The following VRTN variants were observed in gnomAD, a reference collection of about 807,000 sequenced individuals.
VRTN encodes vertnin.
In VRTN, 5 loss-of-function variants were observed where a neutral mutation model predicts 18.2. The ratio of observed to expected loss-of-function variants is 0.27; its 90% CI spans 0.14 to 0.58. VRTN has a LOEUF of 0.58. Among genes scored for constraint, VRTN ranks in the 20% least tolerant of loss-of-function variants. The probability of loss-of-function intolerance (pLI) is 0.91; values close to 1 mark genes in which losing one functional copy is unlikely to be tolerated. For missense variants in VRTN, 741 were observed against 939.4 expected, an observed-to-expected ratio of 0.79 and a Z score of 2.76; for synonymous variants, 381 against 393.7, an observed-to-expected ratio of 0.97 and a Z score of 0.38.
At chr14:74,334,759 A>C (rs917544018) in intron 1 of VRTN, among the ~76,000 whole-genome samples, 1 of 152,186 alleles carries the variant, frequency 6.6e-6, no homozygotes, top group Non-Finnish European at 1.5e-5. Context: ...ATGAAAGAAA[A>C]TATGTATCTA....
chr14:74,316,065 C>T (rs1350735057), intron 1 of VRTN, among the ~76,000 whole-genome samples: 3 of 152,154 alleles, frequency 2.0e-5, no homozygotes, highest in Non-Finnish European at 1.5e-5. Flanking sequence ...TGTCTGCTTA[C>T]GGCACTCCCA....
chr14:74,320,588 TTTTTTTTTTTTTTTTTG>T (rs2085449623), intron 1 of VRTN, among the ~76,000 whole-genome samples: 1 of 79,936 alleles, frequency 1.3e-5, no homozygotes, highest in African/African-American at 5.4e-5. Flanking sequence ...TTTTTTTTTT[TTTTTTTTTTTTTTTTTG>T]AGACGGAGTC....
intron 1 of VRTN, among the ~76,000 whole-genome samples, chr14:74,329,760 A>G (rs922149462): frequency 1.1e-3 from 172 of 150,698 alleles, no homozygotes; most frequent in African/African-American, 4.1e-3. Flanking sequence ...TGTATTTTTA[A>G]TAGAGACAGT....
chr14:74,316,828 G>A (rs996821904), intron 1 of VRTN, among the ~76,000 whole-genome samples: 4 of 151,572 alleles, frequency 2.6e-5, no homozygotes, highest in Non-Finnish European at 5.9e-5. Flanking sequence ...TAGTAGAGAC[G>A]GGGTTTCACT....
chr14:74,308,152 C>T (rs138780131), intron 1 of VRTN, among the ~76,000 whole-genome samples: 17 of 152,236 alleles, frequency 1.1e-4, no homozygotes, highest in African/African-American at 3.6e-4. Context: ...CAGTGGCTCA[C>T]ACCTGTGGTC....
At chr14:74,341,099 G>A (rs2085602723) in intron 2 of VRTN, among the ~76,000 whole-genome samples, 2 of 152,202 alleles carry the variant, frequency 1.3e-5, no homozygotes, top group African/African-American at 2.4e-5. Flanking sequence ...TGGGACAGAT[G>A]GATGAATTCT....
chr14:74,331,544 T>TATATATATATATATATA (rs1555411068), intron 1 of VRTN, among the ~76,000 whole-genome samples: 1 of 43,448 alleles, frequency 2.3e-5, no homozygotes, highest in Non-Finnish European at 4.9e-5. Context: ...AAAAAAAATT[T>TATATATATATATATATA]TATATATATA....
chr14:74,321,418 C>T lies in VRTN; in HGVS notation c.-163-16305C>T, dbSNP rs530146932. 4.0e-5 allele frequency among the ~76,000 whole-genome samples: 6 copies of T among 151,722 alleles called. No homozygotes were observed. In the South Asian group the frequency reaches 1.0e-3, roughly 26 times the overall value. On this transcript the variant is annotated intron_variant, in intron 1 of 2. Coordinates refer to the VRTN transcript ENST00000557177. Reference sequence around the variant, plus strand: ...GAAAGGATGGGGTGGGGTACATGGACGTGGTCATAGGGCTAGTAAGTGGGG... The same window carrying T: ...GAAAGGATGGGGTGGGGTACATGGATGTGGTCATAGGGCTAGTAAGTGGGG...
At chr14:74,355,575 C>T (rs2085720403) in intron 1 of VRTN, among the ~76,000 whole-genome samples, 2 of 152,094 alleles carry the variant, frequency 1.3e-5, no homozygotes, top group Non-Finnish European at 2.9e-5. Context: ...CGGTCTGTCA[C>T]CCATGCTTGA....
intron 2 of VRTN, among the ~76,000 whole-genome samples, chr14:74,340,239 A>G (rs575811568): frequency 6.6e-6 from 1 of 151,120 alleles, no homozygotes; most frequent in East Asian, 2.0e-4. Flanking sequence ...CAGCCTCCCT[A>G]GTAGCTGGGA....
chr14:74,351,075 G>A (rs1326333892), intron 1 of VRTN, among the ~76,000 whole-genome samples: 4 of 152,166 alleles, frequency 2.6e-5, no homozygotes, highest in Admixed American at 6.5e-5. Flanking sequence ...GTATCTAGCA[G>A]AGCACTCATT....
At chr14:74,346,091 A>G (rs2085642588), upstream of VRTN, among the ~76,000 whole-genome samples, 1 of 151,998 alleles carries the variant, frequency 6.6e-6, no homozygotes, top group South Asian at 2.1e-4. Flanking sequence ...ATTTGAGCCC[A>G]GGAGTTTGAG....
At chr14:74,332,205 C>G (rs2085530618) in intron 1 of VRTN, among the ~76,000 whole-genome samples, 1 of 152,062 alleles carries the variant, frequency 6.6e-6, no homozygotes, top group Admixed American at 6.6e-5. Flanking sequence ...AACCTACTCA[C>G]TCCCAATCCC....
chr14:74,303,843 A>ATTTTTTTTTTTTTTTTTTTTTTTTTTT (rs67822776), intron 1 of VRTN, among the ~76,000 whole-genome samples: 1 of 88,498 alleles, frequency 1.1e-5, no homozygotes, highest in African/African-American at 5.2e-5. Context: ...ACAATTACAG[A>ATTTTTTTTTTTTTTTTTTTTTTTTTTT]TTTTTTTTTT....
chr14:74,341,173 G>A (rs1445325298), intron 2 of VRTN, among the ~76,000 whole-genome samples: 2 of 152,184 alleles, frequency 1.3e-5, no homozygotes, highest in Admixed American at 6.6e-5. Flanking sequence ...ACTATTTACT[G>A]AGCATTTCAT....
At chr14:74,307,596 T>C (rs368143214) in intron 1 of VRTN, among the ~76,000 whole-genome samples, 1 of 152,184 alleles carries the variant, frequency 6.6e-6, no homozygotes, top group African/African-American at 2.4e-5. Flanking sequence ...AAATGTGATC[T>C]CAACTATGAA....
intron 1 of VRTN, among the ~76,000 whole-genome samples, chr14:74,330,365 C>A (rs2085513591): frequency 6.6e-6 from 1 of 151,982 alleles, no homozygotes; most frequent in African/African-American, 2.4e-5. Flanking sequence ...AGTAAAGGAC[C>A]CAGAGTGGCC....
At chr14:74,350,788 G>A (rs57004681) in intron 1 of VRTN, among the ~76,000 whole-genome samples, 2,778 of 152,270 alleles carry the variant, frequency 0.018, 105 homozygotes, top group South Asian at 0.15. Flanking sequence ...TCACATGGAA[G>A]GAAGGTGAGA....
intron 1 of VRTN, among the ~76,000 whole-genome samples, chr14:74,353,350 G>A (rs1024289229): frequency 6.6e-6 from 1 of 152,170 alleles, no homozygotes; most frequent in African/African-American, 2.4e-5. Context: ...GGGCAAATTA[G>A]GTTAACTTCA....
Sources: allele counts gnomAD v4.1 joint callset (sites outside exome capture counted in the v4.1 genomes callset), GRCh38; gene constraint gnomAD v4.1.1; transcripts MANE v1.5; gene names NCBI Gene and HGNC (gene_info 2026-07-23, HGNC 2026-07-21).